The following NOP9 variants were observed in gnomAD, a reference collection of about 807,000 sequenced individuals.
NOP9 encodes NOP9 nucleolar protein, also known as nucleolar protein 9.
NOP9 carries 50 observed loss-of-function variants against 63.0 expected under a neutral mutation model. That is an observed-to-expected ratio of 0.79 (90% CI 0.63 to 1.00). NOP9 has a LOEUF of 1.00. NOP9 is among the 50% of genes least tolerant of loss of function. The probability of loss-of-function intolerance (pLI) is 0.00; values close to 1 mark genes in which losing one functional copy is unlikely to be tolerated. For missense variants in NOP9, 758 were observed against 803.0 expected, an observed-to-expected ratio of 0.94 and a Z score of 0.68; for synonymous variants, 343 against 332.8, an observed-to-expected ratio of 1.03 and a Z score of -0.33.
the NOP9 span, among the ~76,000 whole-genome samples, chr14:24,286,828 G>A: frequency 2.0e-5 from 3 of 151,818 alleles, no homozygotes; most frequent in East Asian, 1.9e-4. Flanking sequence ...TCCTGACCTC[G>A]TGATCCGCCC....
At chr14:24,292,361 C>T in the NOP9 span, 1 of 1,612,410 alleles carries the variant, frequency 6.2e-7, no homozygotes, top group South Asian at 1.1e-5. Context: ...GGGTAAGAGC[C>T]ACCTAGCCAT....
the NOP9 span, chr14:24,271,227 T>G: frequency 7.5e-7 from 1 of 1,340,636 alleles, no homozygotes; most frequent in Non-Finnish European, 1.0e-6. Flanking sequence ...CCCACAGCTG[T>G]GTCCGGAAGC....
At position 24,307,218 on chromosome 14, in the gene NOP9, C is replaced by A; in HGVS notation, c.*2123C>A. ...CTCGGTGGAAAATGAACAAATTGAC[C>A]AGAGCTCATTAGGCCCACTCCGCTG... On this transcript the variant is annotated 3_prime_UTR_variant, in exon 10 of 10. Transcript: ENST00000267425. 1.3e-6 allele frequency: 1 copy of A among 757,248 alleles called. No individual in the cohort carries two copies. Among genetic ancestry groups the A allele is most frequent in the Non-Finnish European group, 2.1e-6 (1 of 470,334 alleles). 46.9% of individuals were successfully genotyped at this position (757,248 alleles called of 1,614,324 possible).
chr14:24,282,387 C>T, the NOP9 span, among the ~76,000 whole-genome samples: 15,504 of 152,154 alleles, frequency 0.1, 1,337 homozygotes, highest in East Asian at 0.5. Context: ...CCTCATGTGG[C>T]AGATGAAAAG....
Position 24,306,658 on chromosome 14 carries a change from T to G in NOP9, c.*1563T>G. The G allele has an allele frequency of 9.3e-7, 1 of 1,078,816 alleles. No homozygotes were observed. Among genetic ancestry groups the G allele is most frequent in the Non-Finnish European group, 1.4e-6 (1 of 736,288 alleles). 66.8% of individuals were successfully genotyped at this position (1,078,816 alleles called of 1,614,324 possible). A position where few individuals can be genotyped will look rare whatever the true frequency, so the allele number is the denominator to read the frequency against. On this transcript the variant is annotated 3_prime_UTR_variant, in exon 10 of 10. Coordinates refer to ENST00000267425, the MANE Select transcript of NOP9 (RefSeq NM_174913.3). ...GACTTTCCGGCACTTTGATACCTCC[T>G]AAAGGTTGCAGCTCTCCGTGTTCTT...
the NOP9 span, chr14:24,290,850 C>T: frequency 3.4e-5 from 55 of 1,613,326 alleles, no homozygotes; most frequent in Non-Finnish European, 4.4e-5. Flanking sequence ...TAGTGTCAGA[C>T]CAGGAGGGTT....
At position 24,306,638 on chromosome 14, in the gene NOP9, T is replaced by G. The variant is rs1259151830; in HGVS notation, c.*1543T>G. 1 of 1,378,880 alleles carries G rather than the reference T, an allele frequency of 7.3e-7. No individual in the cohort carries two copies. Among genetic ancestry groups the G allele is most frequent in the African/African-American group, 1.4e-5 (1 of 70,258 alleles). 85.4% of individuals were successfully genotyped at this position (1,378,880 alleles called of 1,614,324 possible). A position where few individuals can be genotyped will look rare whatever the true frequency, so the allele number is the denominator to read the frequency against. On this transcript the variant is annotated 3_prime_UTR_variant, in exon 10 of 10. Coordinates refer to ENST00000267425, the MANE Select transcript of NOP9 (RefSeq NM_174913.3). ...ATTGGTCGATGTCCCACTTTGACTTTCCGGCACTTTGATACCTCCTAAAGG... is the reference window on the plus strand; with the variant it reads ...ATTGGTCGATGTCCCACTTTGACTTGCCGGCACTTTGATACCTCCTAAAGG...
the NOP9 span, among the ~76,000 whole-genome samples, chr14:24,273,335 C>T: frequency 3.3e-5 from 5 of 152,266 alleles, no homozygotes; most frequent in Non-Finnish European, 7.4e-5. Flanking sequence ...TGCACCACCA[C>T]ACCCGACTGA....
At chr14:24,281,739 A>C in the NOP9 span, among the ~76,000 whole-genome samples, 4 of 152,198 alleles carry the variant, frequency 2.6e-5, no homozygotes, top group African/African-American at 9.7e-5. Flanking sequence ...AGTAATCCAG[A>C]GATCAGAACA....
upstream of NOP9, chr14:24,296,658 G>T: frequency 6.2e-7 from 1 of 1,613,498 alleles, no homozygotes; most frequent in Non-Finnish European, 8.5e-7. Flanking sequence ...TAATGGAAGG[G>T]ACAATGAGTG....
In NOP9 at chr14:24,307,985, G is replaced by T; in HGVS notation, c.*2890G>T. 1 of 873,712 alleles carries T rather than the reference G, an allele frequency of 1.1e-6. No individual in the cohort carries two copies. The highest frequency in any genetic ancestry group is 1.9e-6 in the Non-Finnish European group (1 of 538,494). The allele number at this position is 873,712 out of a possible 1,614,324, so 54.1% of individuals were successfully genotyped here. On this transcript the variant is annotated 3_prime_UTR_variant, in exon 10 of 10. Transcript: ENST00000267425. ...CCAGGACAAGGTGGGAATGAGTCAA[G>T]CCTGGACTCTGGCCCCCCTGCCTGG...
chr14:24,300,785 A>T lies in NOP9; in HGVS notation c.625A>T (p.Thr209Ser), dbSNP rs200463538. 3.2e-4 allele frequency: 520 copies of T among 1,614,102 alleles called. 6 individuals are homozygous for T. The East Asian group carries it at 0.011, about 34-fold the overall frequency. ...GDTHGSFVVR[T>S]LLQVLGGTIL... ...CACACATGGCAGCTTCGTGGTCAGA[A>T]CTCTGCTTCAGGTGTTAGGAGGGAC... The change falls in exon 2 of 10, where the codon ACT becomes TCT. Residue 209 changes from threonine (T) to serine (S), a missense_variant. Transcript: ENST00000267425.
At chr14:24,281,879 CT>C in the NOP9 span, among the ~76,000 whole-genome samples, 40,020 of 152,020 alleles carry the variant, frequency 0.26, 5,692 homozygotes, top group Admixed American at 0.37. Context: ...GTCCCCAACC[CT>C]TCCTCTACCC....
the NOP9 span, chr14:24,292,440 C>T: frequency 2.0e-6 from 3 of 1,522,180 alleles, no homozygotes; most frequent in East Asian, 7.0e-5. Context: ...TTCCCAGGAG[C>T]CCCAAGGTCT....
chr14:24,300,460 G>A lies in NOP9; in HGVS notation c.300G>A (p.Leu100=). ...AAGTAGAGACTCAGGCCCTAGCTTT[G>A]TCCACGAACAGGACTGGCAGTGAGA... ...MKEVETQALA[L]STNRTGSEML... The change falls in exon 2 of 10, where the codon TTG becomes TTA. Residue 100 remains leucine, a synonymous_variant. Transcript: ENST00000267425. 6.2e-7 allele frequency: 1 copy of A among 1,614,202 alleles called. No individual in the cohort carries two copies. The highest frequency in any genetic ancestry group is 8.5e-7 in the Non-Finnish European group (1 of 1,180,030).
At chr14:24,276,614 T>C in the NOP9 span, among the ~76,000 whole-genome samples, 1 of 152,038 alleles carries the variant, frequency 6.6e-6, no homozygotes, top group Admixed American at 6.6e-5. Context: ...AATAACTGCA[T>C]GGGGCTAGTG....
upstream of NOP9, chr14:24,299,177 T>A: frequency 6.6e-7 from 1 of 1,522,904 alleles, no homozygotes; most frequent in Non-Finnish European, 8.9e-7. Context: ...AGACTGTGTG[T>A]GTGTTGGGGC....
the NOP9 span, among the ~76,000 whole-genome samples, chr14:24,289,975 T>C: frequency 6.6e-6 from 1 of 152,238 alleles, no homozygotes; most frequent in Non-Finnish European, 1.5e-5. Context: ...GTTTCTCTGA[T>C]TTATGGCAGC....
intron 2 of NOP9, 89 bp downstream of exon 2, chr14:24,300,946 T>A: frequency 9.4e-7 from 1 of 1,060,728 alleles, no homozygotes; most frequent in East Asian, 2.5e-5. Context: ...TAAGTCTTCA[T>A]GGGGGAGCTT....
Sources: gnomAD v4.1 joint callset for allele counts (sites outside exome capture counted in the v4.1 genomes callset) on GRCh38, gnomAD v4.1.1 for gene constraint, MANE v1.5 for transcripts, NCBI Gene and HGNC (gene_info 2026-07-23, HGNC 2026-07-21) for gene names.